The following RUNX1 variants were observed in gnomAD, a reference collection of about 807,000 sequenced individuals.
The protein encoded by RUNX1 is runt-related transcription factor 1.
Under a neutral mutation model 42.8 loss-of-function variants are expected in RUNX1, and 19 were observed. The observed-to-expected ratio is 0.44, with a 90% CI of 0.31 to 0.65. The LOEUF is 0.65. RUNX1 is among the 30% of genes least tolerant of loss of function. The pLI is 0.07. For synonymous variants in RUNX1, 271 were observed against 289.4 expected, an observed-to-expected ratio of 0.94 and a Z score of 0.64; for missense variants, 528 against 672.0, an observed-to-expected ratio of 0.79 and a Z score of 2.37.
intron 7 of RUNX1, among the ~76,000 whole-genome samples, chr21:34,818,592 C>T (rs2056864633): frequency 6.6e-6 from 1 of 152,196 alleles, no homozygotes; most frequent in South Asian, 2.1e-4. Flanking sequence ...GGGGCCAACA[C>T]CTCCAGTACC....
intron 2 of RUNX1, among the ~76,000 whole-genome samples, chr21:35,041,993 A>G (rs984586699): frequency 6.6e-6 from 1 of 152,172 alleles, no homozygotes; most frequent in Non-Finnish European, 1.5e-5. Context: ...AGAGTGAGGA[A>G]GATGGGGGGC....
At chr21:34,797,291 T>G (rs957982863) in intron 8 of RUNX1, among the ~76,000 whole-genome samples, 8 of 152,244 alleles carry the variant, frequency 5.3e-5, no homozygotes, top group Admixed American at 5.2e-4. Flanking sequence ...TAAAATGTTC[T>G]CTCTTACTCC....
In RUNX1 at chr21:34,843,638, C is replaced by A. The variant is rs925006500; in HGVS notation, c.614-9037G>T. On this transcript the variant is annotated intron_variant, in intron 6 of 8. Transcript: ENST00000675419. The surrounding 1 kb of genome is among the most constrained non-coding windows in gnomAD (Gnocchi z 4.8). ...GCCAAGGCAAGATCAACAACCAATA[C>A]AACTTCAAGCCAGAGACGCACACAG... Among the ~76,000 whole-genome samples, 4 of 152,108 alleles carry A rather than the reference C, an allele frequency of 2.6e-5. No homozygotes were observed. The highest frequency in any genetic ancestry group is 4.4e-5 in the Non-Finnish European group (3 of 68,022).
Position 34,790,632 on chromosome 21 carries a change from C to T in RUNX1, c.*1503G>A, listed in dbSNP as rs866729621. 8.6e-6 allele frequency: 2 copies of T among 233,282 alleles called. No individual in the cohort carries two copies. Among genetic ancestry groups the T allele is most frequent in the East Asian group, 1.2e-4 (2 of 16,596 alleles). 14.5% of individuals were successfully genotyped at this position (233,282 alleles called of 1,614,324 possible). On this transcript the variant is annotated 3_prime_UTR_variant, in exon 9 of 9. Coordinates refer to ENST00000675419, the MANE Select transcript of RUNX1 (RefSeq NM_001754.5). Reference sequence around the variant, plus strand: ...TGGTGCACAGGTAAAAGCCCATATACCCCATAGGGTAGGGTCTCAGCCTGG... The same window carrying T: ...TGGTGCACAGGTAAAAGCCCATATATCCCATAGGGTAGGGTCTCAGCCTGG...
intron 6 of RUNX1, among the ~76,000 whole-genome samples, chr21:34,853,800 T>C (rs955062990): frequency 2.1e-5 from 3 of 144,140 alleles, no homozygotes; most frequent in Non-Finnish European, 3.0e-5. Context: ...TTCCCTTCCT[T>C]CCCTTCCTTC....
intron 2 of RUNX1, among the ~76,000 whole-genome samples, chr21:35,015,784 G>T (rs545234795): frequency 6.6e-6 from 1 of 152,190 alleles, no homozygotes; most frequent in African/African-American, 2.4e-5. Flanking sequence ...TGGAGTAAGC[G>T]TTGTCCCTGT....
intron 2 of RUNX1, among the ~76,000 whole-genome samples, chr21:35,022,771 C>T (rs542442511): frequency 1.0e-3 from 154 of 151,766 alleles, no homozygotes; most frequent in Non-Finnish European, 1.4e-3. Flanking sequence ...GGCGGGTGCC[C>T]GTAATCCCGG....
At chr21:34,942,396 A>G (rs940119819) in intron 2 of RUNX1, among the ~76,000 whole-genome samples, 2 of 152,086 alleles carry the variant, frequency 1.3e-5, no homozygotes, top group Non-Finnish European at 2.9e-5. Context: ...ATTTGTACCA[A>G]TACTTTAACT....
At chr21:34,934,689 A>T (rs1337692524) in intron 2 of RUNX1, among the ~76,000 whole-genome samples, 1 of 152,172 alleles carries the variant, frequency 6.6e-6, no homozygotes, top group Non-Finnish European at 1.5e-5. Context: ...ATCTTTGTGG[A>T]CACTGGGTCT....
intron 2 of RUNX1, among the ~76,000 whole-genome samples, chr21:34,962,481 G>C (rs2058688453): frequency 6.6e-6 from 1 of 152,186 alleles, no homozygotes; most frequent in Non-Finnish European, 1.5e-5. Flanking sequence ...GCCAGTAAAG[G>C]AACGACTTAT....
intron 2 of RUNX1, among the ~76,000 whole-genome samples, chr21:34,975,203 T>C (rs1031857327): frequency 2.6e-5 from 4 of 152,252 alleles, no homozygotes; most frequent in African/African-American, 9.6e-5. Flanking sequence ...TCATTAGACC[T>C]CAATACCTAC....
chr21:34,921,640 T>G (rs1440047975), intron 2 of RUNX1, among the ~76,000 whole-genome samples: 1 of 152,164 alleles, frequency 6.6e-6, no homozygotes, highest in African/African-American at 2.4e-5. Context: ...TAATCATTTT[T>G]TTTTTCTTTT....
chr21:34,871,727 G>T (rs1212319976), intron 5 of RUNX1, among the ~76,000 whole-genome samples: 1 of 152,064 alleles, frequency 6.6e-6, no homozygotes, highest in East Asian at 1.9e-4. Context: ...ACAAACCTTG[G>T]TCCTGTCTCC....
intron 2 of RUNX1, among the ~76,000 whole-genome samples, chr21:34,974,091 T>C (rs1357319742): frequency 6.6e-6 from 1 of 152,198 alleles, no homozygotes; most frequent in East Asian, 1.9e-4. Context: ...TTCATGGCTT[T>C]TCAAAAATTT....
intron 5 of RUNX1, among the ~76,000 whole-genome samples, chr21:34,879,936 A>G (rs752121811): frequency 1.3e-5 from 2 of 152,200 alleles, no homozygotes; most frequent in South Asian, 2.1e-4. Flanking sequence ...TAATATTATT[A>G]GTATCTAAAA....
At chr21:34,891,021 G>A (rs1420910348) in intron 3 of RUNX1, among the ~76,000 whole-genome samples, 1 of 152,126 alleles carries the variant, frequency 6.6e-6, no homozygotes, top group Non-Finnish European at 1.5e-5. Context: ...GACTCCAGGG[G>A]AAATAGCAGA....
Position 34,914,196 on chromosome 21 carries a change from T to C in RUNX1, c.59-21233A>G, listed in dbSNP as rs1163822541. Among the ~76,000 whole-genome samples, 3 of 152,220 alleles carry C rather than the reference T, an allele frequency of 2.0e-5. No homozygotes were observed. In the East Asian group the frequency reaches 5.8e-4, roughly 29 times the overall value. On this transcript the variant is annotated intron_variant, in intron 2 of 8. Coordinates refer to ENST00000675419, the MANE Select transcript of RUNX1 (RefSeq NM_001754.5). ...GCTGTCTCCTGGCAGGAGCTGAGTTTGTCTGTAGCTGAGTTTGCAAGATCC... is the reference window on the plus strand; with the variant it reads ...GCTGTCTCCTGGCAGGAGCTGAGTTCGTCTGTAGCTGAGTTTGCAAGATCC...
intron 2 of RUNX1, among the ~76,000 whole-genome samples, chr21:35,010,757 G>A (rs892150294): frequency 2.6e-5 from 4 of 152,130 alleles, no homozygotes; most frequent in East Asian, 1.9e-4. Flanking sequence ...AAACACACTC[G>A]TTGAGGCTGA....
At chr21:34,997,707 C>T (rs1031113915) in intron 2 of RUNX1, among the ~76,000 whole-genome samples, 1 of 152,152 alleles carries the variant, frequency 6.6e-6, no homozygotes, top group Non-Finnish European at 1.5e-5. Context: ...TTTCCTAGGT[C>T]TATCTTAAAT....
Sources: gnomAD v4.1 joint callset for allele counts (sites outside exome capture counted in the v4.1 genomes callset) on GRCh38, gnomAD v4.1.1 for gene constraint, Gnocchi (gnomAD v3.1) non-coding constraint, MANE v1.5 for transcripts, NCBI Gene and HGNC (gene_info 2026-07-23, HGNC 2026-07-21) for gene names.